The following DGKG variants were observed in gnomAD, a reference collection of about 807,000 sequenced individuals.
The protein encoded by DGKG is diacylglycerol kinase gamma.
In DGKG, 78 loss-of-function variants were observed where a neutral mutation model predicts 105.3. The ratio of observed to expected loss-of-function variants is 0.74; its 90% CI spans 0.62 to 0.89. The LOEUF (loss-of-function observed/expected upper bound fraction) is 0.89, where lower values mean the gene tolerates loss of function less well. Among genes scored for constraint, DGKG ranks in the 40% least tolerant of loss-of-function variants. The pLI is 0.00. For synonymous variants in DGKG, 346 were observed against 367.1 expected (o/e 0.94, Z 0.66); for missense variants, 958 against 1,020.1 (o/e 0.94, Z 0.83).
intron 7 of DGKG, among the ~76,000 whole-genome samples, chr3:186,283,162 A>G (rs1329949801): frequency 6.6e-6 from 1 of 152,044 alleles, no homozygotes; most frequent in African/African-American, 2.4e-5. Context: ...CCGCCTCCCA[A>G]AGTGCTGGGG....
At chr3:186,357,062 T>C (rs182200340) in intron 1 of DGKG, among the ~76,000 whole-genome samples, 83 of 152,172 alleles carry the variant, frequency 5.5e-4, no homozygotes, top group East Asian at 3.9e-4. Flanking sequence ...CATCTGTTGA[T>C]GGTGTTGTGT....
intron 21 of DGKG, among the ~76,000 whole-genome samples, chr3:186,191,766 C>T (rs1394770365): frequency 6.6e-6 from 1 of 152,228 alleles, no homozygotes; most frequent in African/African-American, 2.4e-5. Context: ...GGTTGCATGC[C>T]CAGGCTCTGC....
At chr3:186,286,165 G>T (rs73180348) in intron 6 of DGKG, among the ~76,000 whole-genome samples, 2 of 152,058 alleles carry the variant, frequency 1.3e-5, no homozygotes, top group African/African-American at 2.4e-5. Flanking sequence ...TTTTTTCAGG[G>T]GTGCATCGCT....
chr3:186,154,762 C>T (rs1225579530), intron 24 of DGKG, among the ~76,000 whole-genome samples: 1 of 151,582 alleles, frequency 6.6e-6, no homozygotes, highest in Non-Finnish European at 1.5e-5. Context: ...GGAAGTTCAA[C>T]TACGTCATTA....
At chr3:186,165,144 T>A in intron 22 of DGKG, 126 bp from the exon 23 acceptor site, 1 of 978,940 alleles carries the variant, frequency 1.0e-6, no homozygotes, top group Non-Finnish European at 1.5e-6. Flanking sequence ...AAACACCTTT[T>A]TCATATTCAC....
chr3:186,166,501 CA>C (rs1560077784), intron 22 of DGKG, among the ~76,000 whole-genome samples: 1 of 152,228 alleles, frequency 6.6e-6, no homozygotes, highest in African/African-American at 2.4e-5. Context: ...ACCTAATAAA[CA>C]ATGAATGTCT....
chr3:186,279,747 G>T (rs1722745337), intron 9 of DGKG, 104 bp downstream of exon 9: 4 of 1,398,920 alleles, frequency 2.9e-6, no homozygotes, highest in Non-Finnish European at 3.9e-6. Context: ...TGGCACGTCT[G>T]TTGGGCAGTC....
intron 24 of DGKG, chr3:186,161,202 C>G: frequency 3.0e-6 from 3 of 990,390 alleles, no homozygotes; most frequent in Non-Finnish European, 2.4e-6. Flanking sequence ...GTAGATTTGG[C>G]TTCCACGTAA....
rs187338210 is a variant in DGKG, at chr3:186,276,627, A to G, written c.793-963T>C. Among the ~76,000 whole-genome samples the G allele has an allele frequency of 1.4e-3, 219 of 152,358 alleles. 2 individuals are homozygous for G. The highest frequency in any genetic ancestry group is 4.4e-3 in the African/African-American group (184 of 41,580). ...CCTGACTTTGTTCAGAAGTGAAATC[A>G]TCTGCATCTACTAGGTACACCAAGC... On this transcript the variant is annotated intron_variant, in intron 9 of 24. Coordinates refer to ENST00000265022, the MANE Select transcript of DGKG (RefSeq NM_001346.3).
intron 1 of DGKG, among the ~76,000 whole-genome samples, chr3:186,342,260 C>T (rs1397180857): frequency 6.6e-6 from 1 of 152,148 alleles, no homozygotes; most frequent in Non-Finnish European, 1.5e-5. Context: ...AAGGATAGAG[C>T]ACCTAGAGAT....
intron 1 of DGKG, among the ~76,000 whole-genome samples, chr3:186,326,397 T>TCAAAAAAAAAAAAAAAAAAAAAAAAA (rs1560156258): frequency 2.0e-5 from 3 of 149,720 alleles, no homozygotes; most frequent in African/African-American, 7.6e-5. Context: ...AGACACTGTC[T>TCAAAAAAAAAAAAAAAAAAAAAAAAA]TAAAAAAAAA....
intron 21 of DGKG, among the ~76,000 whole-genome samples, chr3:186,190,676 T>C (rs974770076): frequency 6.6e-6 from 1 of 151,868 alleles, no homozygotes; most frequent in Non-Finnish European, 1.5e-5. Flanking sequence ...TTTTAAAAAA[T>C]AACATAGACA....
chr3:186,360,612 G>A (rs1414150456), intron 1 of DGKG, among the ~76,000 whole-genome samples: 3 of 152,166 alleles, frequency 2.0e-5, no homozygotes, highest in Non-Finnish European at 4.4e-5. Flanking sequence ...GTCTGTGCCT[G>A]GGTTCATGAC....
At chr3:186,209,734 C>T (rs75259899) in intron 21 of DGKG, among the ~76,000 whole-genome samples, 1,675 of 152,136 alleles carry the variant, frequency 0.011, 16 homozygotes, top group Middle Eastern at 0.048. Flanking sequence ...TCTCCTTACA[C>T]CTGTTACCCC....
intron 21 of DGKG, among the ~76,000 whole-genome samples, chr3:186,205,968 G>A (rs769135875): frequency 3.9e-5 from 6 of 152,094 alleles, no homozygotes; most frequent in Non-Finnish European, 8.8e-5. Flanking sequence ...TGGATAACCA[G>A]ATATTTTTTT....
At chr3:186,281,876 T>G (rs945521783) in intron 7 of DGKG, among the ~76,000 whole-genome samples, 6 of 152,156 alleles carry the variant, frequency 3.9e-5, no homozygotes, top group Non-Finnish European at 8.8e-5. Context: ...TCCCCTGAGG[T>G]CTTCCTGGTC....
At chr3:186,195,155 A>C (rs971846085) in intron 21 of DGKG, among the ~76,000 whole-genome samples, 4 of 152,084 alleles carry the variant, frequency 2.6e-5, no homozygotes, top group Admixed American at 2.6e-4. Context: ...AGAGAGTATA[A>C]TAAACCCCCG....
rs1196163758 is a variant in DGKG at position 186,210,038 on chromosome 3, C to G, written c.1917+1757G>C. ...CACCCCCTCCAGAGGCCACCAGTGT[C>G]TTTAGCAACGAGGCCCCCTCTGCGG... On this transcript the variant is annotated intron_variant, in intron 21 of 24. Coordinates refer to ENST00000265022, the MANE Select transcript of DGKG (RefSeq NM_001346.3). The surrounding 1 kb of genome is among the most constrained non-coding windows in gnomAD (Gnocchi z 5.2). Among the ~76,000 whole-genome samples the G allele has an allele frequency of 1.3e-5, 2 of 152,232 alleles. No homozygotes were observed. Among genetic ancestry groups the G allele is most frequent in the Non-Finnish European group, 2.9e-5 (2 of 68,050 alleles).
intron 1 of DGKG, among the ~76,000 whole-genome samples, chr3:186,347,862 C>T (rs973399187): frequency 3.3e-5 from 5 of 152,212 alleles, no homozygotes; most frequent in Non-Finnish European, 7.3e-5. Context: ...GGATTACAGG[C>T]ATGAGCCTCC....
Sources: gnomAD v4.1 joint callset for allele counts (sites outside exome capture counted in the v4.1 genomes callset) on GRCh38, gnomAD v4.1.1 for gene constraint, Gnocchi (gnomAD v3.1) non-coding constraint, MANE v1.5 for transcripts, NCBI Gene and HGNC (gene_info 2026-07-23, HGNC 2026-07-21) for gene names.